Variants in UGGT1 observed in about 807,000 individuals in gnomAD.
UGGT1 encodes the protein UDP-glucose:glycoprotein glucosyltransferase 1.
In UGGT1, 107 loss-of-function variants were observed where a neutral mutation model predicts 203.9. That is an observed-to-expected ratio of 0.52 (90% CI 0.45 to 0.62). The LOEUF (loss-of-function observed/expected upper bound fraction) is 0.62, where lower values mean the gene tolerates loss of function less well. Among genes scored for constraint, UGGT1 ranks in the 20% least tolerant of loss-of-function variants. The pLI is 0.00. For missense variants in UGGT1, 1,673 were observed against 1,867.2 expected, an observed-to-expected ratio of 0.90 and a Z score of 1.92; for synonymous variants, 628 against 653.5, an observed-to-expected ratio of 0.96 and a Z score of 0.59.
chr2:128,111,591 C>T (rs563072142), intron 5 of UGGT1, among the ~76,000 whole-genome samples: 9 of 151,964 alleles, frequency 5.9e-5, no homozygotes, highest in South Asian at 2.1e-4. Flanking sequence ...CTGCAAGCTC[C>T]GCCTCCCAGG....
chr2:128,154,060 T>TACACACACAC (rs10597837), intron 19 of UGGT1, among the ~76,000 whole-genome samples: 118 of 149,796 alleles, frequency 7.9e-4, no homozygotes, highest in Admixed American at 3.5e-3. Flanking sequence ...CATGTATATA[T>TACACACACAC]ACACACACAC....
intron 16 of UGGT1, 66 bp from the exon 17 acceptor site, chr2:128,143,028 G>A: frequency 7.2e-7 from 1 of 1,387,962 alleles, no homozygotes; most frequent in South Asian, 1.6e-5. Context: ...TCAGAAAAAT[G>A]TGGAATAAAC....
chr2:128,116,844 T>C (rs576210981), intron 8 of UGGT1, among the ~76,000 whole-genome samples: 106 of 152,294 alleles, frequency 7.0e-4, no homozygotes, highest in Admixed American at 1.4e-3. Context: ...TTATTCTTAA[T>C]TGATAGTATG....
rs1027443719 is a variant in UGGT1, at chr2:128,180,344, CT to C, written c.3900+483del. On this transcript the variant is annotated intron_variant, in intron 35 of 40. Coordinates refer to ENST00000259253, the MANE Select transcript of UGGT1 (RefSeq NM_020120.4). ...TCATCTAAGTTGATTTATTTGCATC[CT>C]TTTTTTTTCTTGTAGAATTTACTAA... Among the ~76,000 whole-genome samples, 322 of 151,696 alleles carry C rather than the reference CT, an allele frequency of 2.1e-3. 1 individual carries two copies. Among genetic ancestry groups the C allele is most frequent in the African/African-American group, 7.2e-3 (296 of 41,350 alleles).
chr2:128,178,048 A>C, intron 33 of UGGT1, 128 bp downstream of exon 33: 32 of 763,558 alleles, frequency 4.2e-5, no homozygotes, highest in Non-Finnish European at 6.2e-5. Flanking sequence ...GCTACATCTC[A>C]CACTTATATT....
At chr2:128,146,631 A>G (rs574105741) in intron 18 of UGGT1, among the ~76,000 whole-genome samples, 1 of 152,204 alleles carries the variant, frequency 6.6e-6, no homozygotes, top group African/African-American at 2.4e-5. Context: ...GAACGGTACA[A>G]TTCAGTAGTT....
At chr2:128,126,154 GGAT>G (rs1404208711) in intron 11 of UGGT1, among the ~76,000 whole-genome samples, 1 of 151,816 alleles carries the variant, frequency 6.6e-6, no homozygotes, top group Non-Finnish European at 1.5e-5. Flanking sequence ...ATGTTGGCCA[GGAT>G]GATCTCGATC....
intron 2 of UGGT1, among the ~76,000 whole-genome samples, chr2:128,100,043 T>G (rs1166844341): frequency 9.2e-6 from 1 of 109,026 alleles, no homozygotes; most frequent in African/African-American, 3.8e-5. Flanking sequence ...CTACTTATTT[T>G]TTTTGAGACA....
chr2:128,097,892 C>G (rs1234768872), intron 2 of UGGT1, among the ~76,000 whole-genome samples: 2 of 152,128 alleles, frequency 1.3e-5, no homozygotes, highest in Admixed American at 6.5e-5. Context: ...GACAGGGTCT[C>G]GCTCTGTTGC....
At chr2:128,164,934 C>A in intron 26 of UGGT1, 109 bp downstream of exon 26, 1 of 790,492 alleles carries the variant, frequency 1.3e-6, no homozygotes, top group Non-Finnish European at 1.9e-6. Flanking sequence ...TAAGTTCTTA[C>A]AGGAATTGAA....
chr2:128,109,754 ATG>A lies in UGGT1; in HGVS notation c.521+12_521+13del. On this transcript the variant is annotated intron_variant, in intron 5 of 40. Coordinates refer to ENST00000259253, the MANE Select transcript of UGGT1 (RefSeq NM_020120.4). ...ACTGACAGCCTCTGAAAGGTAGATT[ATG>A]TGTTTCTTTATTTTCATGTCATGCA... 1 of 1,605,188 alleles carries A rather than the reference ATG, an allele frequency of 6.2e-7. No homozygotes were observed. Among genetic ancestry groups the A allele is most frequent in the Non-Finnish European group, 8.5e-7 (1 of 1,172,392 alleles).
rs547177342 is a variant in UGGT1, at chr2:128,143,214, C to T, written c.1840C>T (p.Arg614Trp). 32 of 1,613,104 alleles carry T rather than the reference C, an allele frequency of 2.0e-5. No individual in the cohort carries two copies. Among genetic ancestry groups the T allele is most frequent in the East Asian group, 1.1e-4 (5 of 44,804 alleles). Residue 614 changes from arginine (R) to tryptophan (W), a missense_variant, in exon 17 of 41, where the codon CGG becomes TGG. Physicochemically the swap from Arg to Trp is moderately radical, Grantham distance 101 (BLOSUM62 -3). Coordinates refer to ENST00000259253, the MANE Select transcript of UGGT1 (RefSeq NM_020120.4). ...TTTGGGGATTGATTCTGCTTATGAT[C>T]GGAATCGGAAGGTAAAAAATTTCTT... The part of the protein sequence containing the change: ...SILGIDSAYD[R>W]NRKEARGYYE...
At position 128,182,167 on chromosome 2, in the gene UGGT1, A is replaced by G. The variant is rs147911417; in HGVS notation, c.4121A>G (p.Asn1374Ser). 1.7e-5 allele frequency: 27 copies of G among 1,614,032 alleles called. No individual in the cohort carries two copies. The highest frequency in any genetic ancestry group is 2.1e-5 in the Non-Finnish European group (25 of 1,180,004). ...GATCTGAAAGAGTTAAGAGATTTCA[A>G]TTTGGATGGTGCTCCTTATGGTTAC... Reference protein sequence around the residue: ...RTDLKELRDFNLDGAPYGYTP... With the variant: ...RTDLKELRDFSLDGAPYGYTP... The change falls in exon 37 of 41, where the codon AAT (asparagine) becomes AGT (serine). Residue 1374 changes from asparagine to serine, a missense_variant. Asn to Ser is a conservative substitution (Grantham distance 46). This residue lies in a region of UGGT1 where 513 missense variants were observed against 684.1 expected (regional missense o/e 0.75). Transcript: ENST00000259253.
At chr2:128,091,459 G>A in intron 1 of UGGT1, 44 bp downstream of exon 1, 1 of 1,556,840 alleles carries the variant, frequency 6.4e-7, no homozygotes, top group Non-Finnish European at 8.7e-7. Flanking sequence ...CAAAGAGAGG[G>A]TTTGGGGCAC....
intron 14 of UGGT1, 129 bp downstream of exon 14, chr2:128,133,389 C>T: frequency 8.0e-7 from 1 of 1,256,340 alleles, no homozygotes; most frequent in South Asian, 1.3e-5. Context: ...ACCAAATACT[C>T]TTCCCTGTTC....
At chr2:128,093,136 G>T (rs1454203919) in intron 1 of UGGT1, among the ~76,000 whole-genome samples, 1 of 152,162 alleles carries the variant, frequency 6.6e-6, no homozygotes, top group Non-Finnish European at 1.5e-5. Flanking sequence ...CTTTTTTAAT[G>T]TATAGCTTTC....
At chr2:128,175,721 C>T (rs558725701) in intron 31 of UGGT1, among the ~76,000 whole-genome samples, 1 of 152,354 alleles carries the variant, frequency 6.6e-6, no homozygotes, top group South Asian at 2.1e-4. Context: ...AACTCCTTCC[C>T]TTTTGGATGC....
At chr2:128,116,574 T>G (rs1688112393) in intron 8 of UGGT1, among the ~76,000 whole-genome samples, 1 of 152,186 alleles carries the variant, frequency 6.6e-6, no homozygotes, top group Non-Finnish European at 1.5e-5. Context: ...TCGCCCAGGT[T>G]GGTGCAGTGG....
At chr2:128,176,074 A>G (rs1488049839) in intron 31 of UGGT1, among the ~76,000 whole-genome samples, 2 of 152,242 alleles carry the variant, frequency 1.3e-5, no homozygotes, top group East Asian at 3.9e-4. Flanking sequence ...TGCCTCCGGC[A>G]GAAAGAGCGA....
Sources: allele counts gnomAD v4.1 joint callset (sites outside exome capture counted in the v4.1 genomes callset), GRCh38; gene constraint gnomAD v4.1.1; regional missense constraint gnomAD v4.1.1; transcripts MANE v1.5; gene names NCBI Gene and HGNC (gene_info 2026-07-23, HGNC 2026-07-21).